SGIP1: variants seen among roughly 807,000 people sequenced by gnomAD.
The protein encoded by SGIP1 is SH3GL interacting endocytic adaptor 1.
A neutral mutation model predicts 107.5 loss-of-function variants in SGIP1; 38 were observed. That is an observed-to-expected ratio of 0.35 (90% confidence interval 0.27 to 0.46). SGIP1 has a LOEUF of 0.46. Among genes scored for constraint, SGIP1 ranks in the 20% least tolerant of loss-of-function variants. SGIP1 has a pLI of 1.00. For synonymous variants in SGIP1, 365 were observed against 366.1 expected, an observed-to-expected ratio of 1.00 and a Z score of 0.03; for missense variants, 929 against 1,019.5, an observed-to-expected ratio of 0.91 and a Z score of 1.21.
intron 1 of SGIP1, among the ~76,000 whole-genome samples, chr1:66,607,549 T>G (rs2067102157): frequency 6.6e-6 from 1 of 152,210 alleles, no homozygotes; most frequent in Non-Finnish European, 1.5e-5. Flanking sequence ...GTCACTAAAA[T>G]AAAAACTGAC....
intron 21 of SGIP1, among the ~76,000 whole-genome samples, chr1:66,736,942 T>A (rs1222720507): frequency 4.6e-5 from 7 of 152,130 alleles, no homozygotes; most frequent in Non-Finnish European, 1.0e-4. Flanking sequence ...GAGAATAGTA[T>A]ATACTCTTCA....
At chr1:66,643,819 C>T in intron 7 of SGIP1, 100 bp downstream of exon 7, 1 of 1,055,994 alleles carries the variant, frequency 9.5e-7, no homozygotes, top group Non-Finnish European at 1.3e-6. Context: ...TAAATTGAAG[C>T]CTGCATATGG....
chr1:66,634,325 C>G (rs762459502), intron 3 of SGIP1, among the ~76,000 whole-genome samples: 1 of 152,142 alleles, frequency 6.6e-6, no homozygotes, highest in African/African-American at 2.4e-5. Flanking sequence ...CTCTGCCACT[C>G]TCAGTCTTGT....
intron 1 of SGIP1, chr1:66,615,922 G>T (rs923643962): frequency 6.7e-6 from 1 of 149,402 alleles, no homozygotes; most frequent in African/African-American, 2.6e-5. Context: ...TGCAAAACTT[G>T]TGTGTCTCCC....
intron 7 of SGIP1, among the ~76,000 whole-genome samples, chr1:66,659,012 G>T (rs1196976602): frequency 4.6e-5 from 7 of 152,158 alleles, no homozygotes; most frequent in Non-Finnish European, 8.8e-5. Context: ...AGAGTGCAGC[G>T]AAGTGCAGGC....
At chr1:66,734,749 G>A (rs779410702) in intron 21 of SGIP1, among the ~76,000 whole-genome samples, 44 of 152,026 alleles carry the variant, frequency 2.9e-4, no homozygotes, top group Non-Finnish European at 4.7e-4. Context: ...CAGGTGATCC[G>A]CCCGCATCAG....
At chr1:66,710,519 C>T (rs1274024703) in intron 18 of SGIP1, among the ~76,000 whole-genome samples, 4 of 152,080 alleles carry the variant, frequency 2.6e-5, no homozygotes, top group Non-Finnish European at 4.4e-5. Context: ...CAAGCAGAGA[C>T]CACAGCAACA....
intron 21 of SGIP1, among the ~76,000 whole-genome samples, chr1:66,737,574 A>G (rs143996414): frequency 4.7e-4 from 72 of 152,300 alleles, no homozygotes; most frequent in Non-Finnish European, 9.0e-4. Context: ...ACTGAATTCT[A>G]GAATTAAGTC....
chr1:66,636,112 T>C (rs1265748196), intron 4 of SGIP1, 97 bp downstream of exon 4: 6 of 1,169,320 alleles, frequency 5.1e-6, no homozygotes, highest in African/African-American at 1.5e-5. Context: ...TAGTTTTCAT[T>C]TACTCCATTT....
rs149639990 is a variant in SGIP1 at position 66,578,879 on chromosome 1, C to T, written c.10+44511C>T. On this transcript the variant is annotated intron_variant, in intron 1 of 24. Transcript: ENST00000371037. ...AGAGGTGGGGTATGTCCATGTTGGT[C>T]AGGCTGGTTTCAGACTCCCAACCTC... Among the ~76,000 whole-genome samples, 947 of 152,256 alleles carry T rather than the reference C, an allele frequency of 6.2e-3. 14 individuals are homozygous for T. Among genetic ancestry groups the T allele is most frequent in the African/African-American group, 0.022 (911 of 41,536 alleles).
At chr1:66,700,579 A>G (rs912860013) in intron 18 of SGIP1, among the ~76,000 whole-genome samples, 4 of 152,086 alleles carry the variant, frequency 2.6e-5, no homozygotes, top group African/African-American at 9.7e-5. Flanking sequence ...TAATTGTCCT[A>G]TTTATAGGAT....
intron 2 of SGIP1, chr1:66,628,488 G>A (rs12402181): frequency 0.23 from 36,200 of 154,750 alleles, 4,970 homozygotes; most frequent in African/African-American, 0.38. Flanking sequence ...AGGCATTATA[G>A]GACTCATATA....
At chr1:66,647,823 C>A (rs1359788401) in intron 7 of SGIP1, among the ~76,000 whole-genome samples, 1 of 152,110 alleles carries the variant, frequency 6.6e-6, no homozygotes, top group African/African-American at 2.4e-5. Flanking sequence ...GAAAAGTCTT[C>A]CTTTTATTAA....
intron 9 of SGIP1, among the ~76,000 whole-genome samples, chr1:66,669,490 T>G (rs1216366839): frequency 6.6e-6 from 1 of 152,198 alleles, no homozygotes; most frequent in Non-Finnish European, 1.5e-5. Flanking sequence ...CTCTATCTCT[T>G]CCTTCAGATC....
chr1:66,717,332 C>A (rs757034703), intron 18 of SGIP1, among the ~76,000 whole-genome samples: 22 of 152,106 alleles, frequency 1.4e-4, no homozygotes, highest in Non-Finnish European at 3.1e-4. Context: ...ATAAACTGAA[C>A]AACACCATTA....
intron 1 of SGIP1, among the ~76,000 whole-genome samples, chr1:66,546,440 C>T (rs2056408955): frequency 6.6e-6 from 1 of 152,162 alleles, no homozygotes; most frequent in Non-Finnish European, 1.5e-5. Context: ...AAGAACCAAC[C>T]ACTACTACAG....
intron 1 of SGIP1, among the ~76,000 whole-genome samples, chr1:66,609,081 T>C (rs751732640): frequency 1.3e-5 from 2 of 150,278 alleles, no homozygotes; most frequent in African/African-American, 5.0e-5. Flanking sequence ...CTTGGAGCCC[T>C]CTTCTCAGTA....
chr1:66,725,097 T>C (rs899044347), intron 19 of SGIP1, among the ~76,000 whole-genome samples: 1 of 152,174 alleles, frequency 6.6e-6, no homozygotes, highest in Non-Finnish European at 1.5e-5. Flanking sequence ...GCTCCCAAAC[T>C]GGGAGGTCAG....
chr1:66,603,309 T>C (rs1322465142), intron 1 of SGIP1, among the ~76,000 whole-genome samples: 3 of 152,194 alleles, frequency 2.0e-5, no homozygotes, highest in Non-Finnish European at 2.9e-5. Context: ...TAGGGTTATA[T>C]AGAAATCACA....
Sources: gnomAD v4.1 joint callset for allele counts (sites outside exome capture counted in the v4.1 genomes callset) on GRCh38, gnomAD v4.1.1 for gene constraint, MANE v1.5 for transcripts, NCBI Gene and HGNC (gene_info 2026-07-23, HGNC 2026-07-21) for gene names.